BOK: variants seen among roughly 807,000 people sequenced by gnomAD.
The protein encoded by BOK is bcl-2-related ovarian killer protein.
BOK carries 20 observed loss-of-function variants against 18.3 expected under a neutral mutation model. That is an observed-to-expected ratio of 1.09 (90% CI 0.77 to 1.59). The LOEUF (loss-of-function observed/expected upper bound fraction) is 1.59, where lower values mean the gene tolerates loss of function less well. BOK is among the 40% of genes most tolerant of loss of function. BOK has a pLI of 0.00. For missense variants in BOK, 348 were observed against 307.9 expected, an observed-to-expected ratio of 1.13 and a Z score of -0.97; for synonymous variants, 173 against 142.4, an observed-to-expected ratio of 1.21 and a Z score of -1.53.
chr2:241,551,501 TGAA>T (rs1325945734), intron 1 of BOK: 1 of 152,174 alleles, frequency 6.6e-6, no homozygotes, highest in Non-Finnish European at 1.5e-5. Context: ...CGTTGCTTCA[TGAA>T]GAAGTAGACA....
intron 4 of BOK, 43 bp downstream of exon 4, chr2:241,570,331 G>C (rs767145811): frequency 8.5e-6 from 13 of 1,528,238 alleles, no homozygotes; most frequent in Non-Finnish European, 1.1e-5. Context: ...GCTGGGGTGC[G>C]AGGGTGCAGA....
chr2:241,552,161 A>G (rs2066418701), intron 1 of BOK, among the ~76,000 whole-genome samples: 1 of 152,140 alleles, frequency 6.6e-6, no homozygotes, highest in Non-Finnish European at 1.5e-5. Context: ...TTTTGAAAGG[A>G]GAACGAGAGG....
At chr2:241,563,308 G>T (rs1293610049) in intron 3 of BOK, among the ~76,000 whole-genome samples, 2 of 152,284 alleles carry the variant, frequency 1.3e-5, no homozygotes, top group East Asian at 3.9e-4. Flanking sequence ...CATGTCATCA[G>T]GTCTGGCCCT....
rs578020550 is a variant in BOK, at chr2:241,566,796, G to A, written c.350-3329G>A. Among the ~76,000 whole-genome samples the A allele has an allele frequency of 2.3e-4, 27 of 119,196 alleles. 4 individuals are homozygous for A. Among genetic ancestry groups the A allele is most frequent in the South Asian group, 1.2e-3 (4 of 3,412 alleles). The allele number at this position is 119,196 out of a possible 152,430, so 78.2% of individuals were successfully genotyped here. A position where few individuals can be genotyped will look rare whatever the true frequency, so the allele number is the denominator to read the frequency against. On this transcript the variant is annotated intron_variant, in intron 3 of 4. Coordinates refer to ENST00000318407, the MANE Select transcript of BOK (RefSeq NM_032515.5). ...ATTACACTTATGTGAAATTTTCAGGGTAGGTAAATCTACAGAGACAGAAAG... is the reference window on the plus strand; with the variant it reads ...ATTACACTTATGTGAAATTTTCAGGATAGGTAAATCTACAGAGACAGAAAG...
upstream of BOK, among the ~76,000 whole-genome samples, chr2:241,556,536 T>C (rs983240780): frequency 7.0e-6 from 1 of 142,350 alleles, no homozygotes; most frequent in African/African-American, 2.8e-5. Flanking sequence ...TGAGCCGAGT[T>C]TACGCCATTG....
chr2:241,564,349 G>A (rs556063362), intron 3 of BOK, among the ~76,000 whole-genome samples: 9 of 152,208 alleles, frequency 5.9e-5, no homozygotes, highest in Non-Finnish European at 1.2e-4. Flanking sequence ...GGCGCTCCTG[G>A]GGTGGCCTCA....
intron 3 of BOK, among the ~76,000 whole-genome samples, chr2:241,567,874 C>T (rs1306568939): frequency 1.3e-5 from 2 of 149,124 alleles, no homozygotes; most frequent in African/African-American, 2.5e-5. Context: ...GGAGCAGCCA[C>T]CAGCTACTAG....
intron 4 of BOK, among the ~76,000 whole-genome samples, chr2:241,572,011 CTCTCTCCTGCTCGGCAGGG>C (rs1311018433): frequency 6.6e-6 from 1 of 152,198 alleles, no homozygotes; most frequent in Admixed American, 6.5e-5. Context: ...CCATGAAGGC[CTCTCTCCTGCTCGGCAGGG>C]GCCCTCCGGC....
At chr2:241,552,972 C>CA (rs966421318) in intron 1 of BOK, among the ~76,000 whole-genome samples, 4 of 151,986 alleles carry the variant, frequency 2.6e-5, no homozygotes, top group Non-Finnish European at 5.9e-5. Context: ...CCTGGTTTTG[C>CA]AAAAAAAGGA....
Position 241,559,497 on chromosome 2 carries a change from G to GGCGCTCCTCGGTCTTC in BOK, c.17_32dup (p.Ala12LeufsTer13). The GGCGCTCCTCGGTCTTC allele has an allele frequency of 6.7e-7, 1 of 1,481,810 alleles. No individual in the cohort carries two copies. Among genetic ancestry groups the GGCGCTCCTCGGTCTTC allele is most frequent in the Non-Finnish European group, 8.9e-7 (1 of 1,122,340 alleles). The allele number at this position is 1,481,810 out of a possible 1,614,324, so 91.8% of individuals were successfully genotyped here. A position where few individuals can be genotyped will look rare whatever the true frequency, so the allele number is the denominator to read the frequency against. On this transcript the variant is annotated frameshift_variant, in exon 2 of 5. Coordinates refer to ENST00000318407, the MANE Select transcript of BOK (RefSeq NM_032515.5). LOFTEE classifies it high-confidence loss of function. Reference sequence around the variant, plus strand: ...CGCGTCGCCGCCATGGAGGTGCTGCGGCGCTCCTCGGTCTTCGCCGCCGAG... The same window carrying GGCGCTCCTCGGTCTTC: ...CGCGTCGCCGCCATGGAGGTGCTGCGGCGCTCCTCGGTCTTCGCGCTCCTCGGTCTTCGCCGCCGAG...
At position 241,572,347 on chromosome 2, in the gene BOK, C is replaced by T; in HGVS notation, c.564C>T (p.His188=). 1 of 1,610,262 alleles carries T rather than the reference C, an allele frequency of 6.2e-7. No individual in the cohort carries two copies. Among genetic ancestry groups the T allele is most frequent in the Non-Finnish European group, 8.5e-7 (1 of 1,179,764 alleles). Residue 188 remains histidine (H), a synonymous_variant, in exon 5 of 5, where the codon CAC becomes CAT. Coordinates refer to ENST00000318407, the MANE Select transcript of BOK (RefSeq NM_032515.5). ...GCACAGACCCTGGCCTCCGCTCCCACTGGCTGGTGGCTGCACTCTGCAGCT... is the reference window on the plus strand; with the variant it reads ...GCACAGACCCTGGCCTCCGCTCCCATTGGCTGGTGGCTGCACTCTGCAGCT... ...VVSTDPGLRS[H]WLVAALCSFG... is the part of the protein sequence containing the mutation.
intron 4 of BOK, 110 bp downstream of exon 4, chr2:241,570,398 C>T: frequency 1.5e-6 from 1 of 650,774 alleles, no homozygotes; most frequent in Non-Finnish European, 2.2e-6. Flanking sequence ...GGTGGGAGAG[C>T]TGGGGTGCGA....
chr2:241,564,595 G>A (rs1006642097), intron 3 of BOK, among the ~76,000 whole-genome samples: 62 of 152,110 alleles, frequency 4.1e-4, no homozygotes, highest in Admixed American at 3.9e-3. Context: ...CAGGGTTCAC[G>A]GCACAGTGGG....
chr2:241,555,378 A>AC (rs563004939), upstream of BOK, among the ~76,000 whole-genome samples: 1 of 139,042 alleles, frequency 7.2e-6, no homozygotes, highest in Non-Finnish European at 1.5e-5. Flanking sequence ...CACTGAGGTC[A>AC]TTTTTTTTTT....
chr2:241,552,755 G>C (rs2066423410), intron 1 of BOK, among the ~76,000 whole-genome samples: 1 of 152,216 alleles, frequency 6.6e-6, no homozygotes, highest in Non-Finnish European at 1.5e-5. Context: ...AGCTTATAAA[G>C]GACAAGCGGT....
intron 3 of BOK, among the ~76,000 whole-genome samples, chr2:241,566,461 G>C (rs538855690): frequency 1.3e-5 from 2 of 151,780 alleles, no homozygotes; most frequent in African/African-American, 4.8e-5. Flanking sequence ...ACCACGCCTA[G>C]CTAATTTTTG....
In BOK at chr2:241,572,408, C is replaced by CT; in HGVS notation, c.626dup (p.Pro210AlafsTer60). The CT allele has an allele frequency of 6.3e-7, 1 of 1,599,310 alleles. No individual in the cohort carries two copies. Among genetic ancestry groups the CT allele is most frequent in the Non-Finnish European group, 8.5e-7 (1 of 1,178,508 alleles). On this transcript the variant is annotated frameshift_variant, in exon 5 of 5. Transcript: ENST00000318407. LOFTEE classifies it high-confidence loss of function. ...CCTGAAGGCTGCCTTCTTCGTGCTG[C>CT]TGCCAGAGAGATGAGCTGCCCACCT... is the stretch of plus-strand genomic sequence containing the variant.
At chr2:241,572,171 C>T (rs1011102504) in intron 4 of BOK, 126 bp from the exon 5 acceptor site, 7 of 1,410,076 alleles carry the variant, frequency 5.0e-6, no homozygotes, top group African/African-American at 2.8e-5. Flanking sequence ...CCTTCCCGAA[C>T]AGTCTCCTGC....
chr2:241,571,324 T>C (rs1186721107), intron 4 of BOK, among the ~76,000 whole-genome samples: 1 of 152,120 alleles, frequency 6.6e-6, no homozygotes, highest in Non-Finnish European at 1.5e-5. Flanking sequence ...CAGTTGCCGC[T>C]GGGCCCTGGG....
Sources: gnomAD v4.1 joint callset for allele counts (sites outside exome capture counted in the v4.1 genomes callset) on GRCh38, gnomAD v4.1.1 for gene constraint, MANE v1.5 for transcripts, NCBI Gene and HGNC (gene_info 2026-07-23, HGNC 2026-07-21) for gene names.